RGS21: variants seen among roughly 807,000 people sequenced by gnomAD.
RGS21 encodes the protein regulator of G protein signaling 21.
Under a neutral mutation model 18.7 loss-of-function variants are expected in RGS21, and 19 were observed. The observed-to-expected ratio is 1.01, with a 90% CI of 0.71 to 1.49. The LOEUF is 1.49. RGS21 is among the 40% of genes most tolerant of loss of function. The pLI is 0.00. For synonymous variants in RGS21, 56 were observed against 57.8 expected (o/e 0.97, Z 0.14); for missense variants, 194 against 176.8 (o/e 1.10, Z -0.55).
chr1:192,351,924 A>G, intron 3 of RGS21, 123 bp from the exon 4 acceptor site: 1 of 562,586 alleles, frequency 1.8e-6, no homozygotes, highest in Non-Finnish European at 3.1e-6. Flanking sequence ...TTACATTTAG[A>G]TGCAATGATC....
At chr1:192,359,044 G>A (rs1383819387) in intron 4 of RGS21, among the ~76,000 whole-genome samples, 1 of 152,052 alleles carries the variant, frequency 6.6e-6, no homozygotes, top group Non-Finnish European at 1.5e-5. Context: ...TGGTTGTGAT[G>A]ACATCTCAGC....
chr1:192,320,522 G>A (rs182403589), intron 1 of RGS21, among the ~76,000 whole-genome samples: 2 of 151,038 alleles, frequency 1.3e-5, no homozygotes, highest in Admixed American at 1.3e-4. Context: ...ATGTGTATGT[G>A]TATATGTATG....
chr1:192,333,269 T>TACACACACACACACACACACAC (rs137948736), intron 1 of RGS21, among the ~76,000 whole-genome samples: 8 of 142,920 alleles, frequency 5.6e-5, no homozygotes, highest in African/African-American at 2.1e-4. Flanking sequence ...GTTTCTTAAA[T>TACACACACACACACACACACAC]ACACACACAC....
intron 1 of RGS21, among the ~76,000 whole-genome samples, chr1:192,319,132 C>G (rs574681989): frequency 2.0e-5 from 3 of 152,032 alleles, no homozygotes; most frequent in Admixed American, 6.6e-5. Context: ...ACTTGTAATC[C>G]TAGCTACTTG....
chr1:192,334,250 G>GTCATGT (rs1658732199), intron 1 of RGS21, among the ~76,000 whole-genome samples: 1 of 152,044 alleles, frequency 6.6e-6, no homozygotes, highest in Non-Finnish European at 1.5e-5. Flanking sequence ...GAGCGTACTT[G>GTCATGT]TCATGTAACC....
At chr1:192,320,972 G>A (rs144340235) in intron 1 of RGS21, among the ~76,000 whole-genome samples, 157 of 151,760 alleles carry the variant, frequency 1.0e-3, no homozygotes, top group African/African-American at 3.6e-3. Flanking sequence ...TATTTTTAAA[G>A]GATTGACTGT....
At chr1:192,364,000 T>C (rs556534683) in intron 4 of RGS21, among the ~76,000 whole-genome samples, 1 of 152,244 alleles carries the variant, frequency 6.6e-6, no homozygotes, top group East Asian at 1.9e-4. Flanking sequence ...TGTGAAATAA[T>C]AAATATATGG....
chr1:192,335,338 ACT>A (rs1209807067), intron 1 of RGS21, among the ~76,000 whole-genome samples: 1 of 152,176 alleles, frequency 6.6e-6, no homozygotes, highest in Non-Finnish European at 1.5e-5. Context: ...GAAATTAGAT[ACT>A]CTCTTTAAAG....
Position 192,365,947 on chromosome 1 carries a change from C to G in RGS21, c.282C>G (p.Asp94Glu). The part of the protein sequence containing the change: ...KEINIDFGTR[D>E]LISKNIAEPT... Reference sequence around the variant, plus strand: ...TTAACATTGACTTCGGTACCAGAGACCTCATCTCAAAGAATATTGCTGAAC... The same window carrying G: ...TTAACATTGACTTCGGTACCAGAGAGCTCATCTCAAAGAATATTGCTGAAC... Residue 94 changes from aspartate (D) to glutamate (E), a missense_variant, in exon 5 of 5, where the codon GAC (aspartate) becomes GAG (glutamate). Coordinates refer to ENST00000417209, the MANE Select transcript of RGS21 (RefSeq NM_001039152.3). 1.2e-6 allele frequency: 2 copies of G among 1,607,356 alleles called. No homozygotes were observed. Among genetic ancestry groups the G allele is most frequent in the Non-Finnish European group, 1.7e-6 (2 of 1,175,056 alleles).
intron 3 of RGS21, among the ~76,000 whole-genome samples, chr1:192,351,698 T>TA (rs1659042821): frequency 1.4e-5 from 2 of 147,922 alleles, no homozygotes; most frequent in African/African-American, 4.9e-5. Context: ...ATGCTATATA[T>TA]GCTATATATA....
Position 192,347,373 on chromosome 1 carries a change from GC to G in RGS21, c.73del (p.Leu25PhefsTer2), listed in dbSNP as rs1658967972. ...TGACATGGTCTGAAAATATGGACAC[GC>G]TTTTAGCCAACCAAGGTAAGATTTA... is the stretch of plus-strand genomic sequence containing the variant. ...TMTWSENMDT[L>X]LANQAGLDAF... On this transcript the variant is annotated frameshift_variant, in exon 3 of 5. Transcript: ENST00000417209. LOFTEE classifies it high-confidence loss of function. The G allele has an allele frequency of 1.3e-6, 2 of 1,593,230 alleles. No individual in the cohort carries two copies. Among genetic ancestry groups the G allele is most frequent in the African/African-American group, 2.7e-5 (2 of 74,502 alleles).
intron 1 of RGS21, among the ~76,000 whole-genome samples, chr1:192,338,609 T>C (rs1285240602): frequency 6.6e-6 from 1 of 152,104 alleles, no homozygotes; most frequent in African/African-American, 2.4e-5. Context: ...CCTTAACCTC[T>C]CTTTGTCACC....
chr1:192,326,572 GT>G (rs2102222838), intron 1 of RGS21, among the ~76,000 whole-genome samples: 1 of 152,166 alleles, frequency 6.6e-6, no homozygotes, highest in Admixed American at 6.5e-5. Context: ...CAAGCAAGTT[GT>G]CTTTATTTTG....
chr1:192,335,972 AT>A, intron 1 of RGS21, among the ~76,000 whole-genome samples: 1 of 152,174 alleles, frequency 6.6e-6, no homozygotes, highest in Non-Finnish European at 1.5e-5. Flanking sequence ...CAACAAAAAA[AT>A]TTTTTAGTTG....
At chr1:192,342,203 T>C (rs1459439743) in intron 1 of RGS21, among the ~76,000 whole-genome samples, 1 of 152,064 alleles carries the variant, frequency 6.6e-6, no homozygotes. Flanking sequence ...TTGAGGGTCA[T>C]AAACACATAC....
In RGS21 at chr1:192,366,121, G is replaced by C. The variant is rs1387610203; in HGVS notation, c.456G>C (p.Leu152Phe). 5.1e-6 allele frequency: 8 copies of C among 1,564,232 alleles called. 1 individual carries two copies. The highest frequency in any genetic ancestry group is 7.0e-6 in the Non-Finnish European group (8 of 1,150,636). Residue 152 changes from leucine (L) to phenylalanine (F), a missense_variant, in exon 5 of 5, where the codon TTG becomes TTC. Transcript: ENST00000417209. The part of the protein sequence containing the change: ...VPNHKKWLPF[L>F] ...ATCATAAAAAATGGCTCCCTTTTTT[G>C]TGAGGAAGGTAAAAGTTAACTAATC...
At chr1:192,322,246 A>C (rs1382241598) in intron 1 of RGS21, among the ~76,000 whole-genome samples, 32 of 143,760 alleles carry the variant, frequency 2.2e-4, no homozygotes. Context: ...TTCATTATAA[A>C]TTTTGTGTCA....
intron 1 of RGS21, among the ~76,000 whole-genome samples, chr1:192,342,314 T>A (rs1456915581): frequency 6.6e-6 from 1 of 152,092 alleles, no homozygotes; most frequent in Non-Finnish European, 1.5e-5. Context: ...TGCCAATATA[T>A]GGTCTTTGTT....
chr1:192,362,779 T>G (rs1239933525), intron 4 of RGS21, among the ~76,000 whole-genome samples: 1 of 152,154 alleles, frequency 6.6e-6, no homozygotes, highest in African/African-American at 2.4e-5. Flanking sequence ...TTAATTAGCA[T>G]TATTATGTTG....
Sources: gnomAD v4.1 joint callset for allele counts (sites outside exome capture counted in the v4.1 genomes callset) on GRCh38, gnomAD v4.1.1 for gene constraint, MANE v1.5 for transcripts, NCBI Gene and HGNC (gene_info 2026-07-23, HGNC 2026-07-21) for gene names.